ERN1: variants seen among roughly 807,000 people sequenced by gnomAD.
ERN1 encodes the protein serine/threonine-protein kinase/endoribonuclease IRE1.
Under a neutral mutation model 113.1 loss-of-function variants are expected in ERN1, and 39 were observed. The observed-to-expected ratio is 0.34, with a 90% CI of 0.27 to 0.45. The LOEUF is 0.45. Ranked by LOEUF, ERN1 falls within the 20% of genes least tolerant of loss-of-function variation. The probability of loss-of-function intolerance (pLI) is 1.00; values close to 1 mark genes in which losing one functional copy is unlikely to be tolerated. For missense variants in ERN1, 976 were observed against 1,274.8 expected (o/e 0.77, Z 3.57); for synonymous variants, 507 against 515.9 (o/e 0.98, Z 0.23).
At chr17:64,108,327 G>A (rs1473642723) in intron 1 of ERN1, among the ~76,000 whole-genome samples, 1 of 152,146 alleles carries the variant, frequency 6.6e-6, no homozygotes, top group African/African-American at 2.4e-5. Flanking sequence ...GAGTGTCTGA[G>A]TTCAACCATT....
In ERN1 at chr17:64,063,299, A is replaced by G. The variant is rs1406030494; in HGVS notation, c.1087+687T>C. Among the ~76,000 whole-genome samples, 1 of 152,274 alleles carries G rather than the reference A, an allele frequency of 6.6e-6. No individual in the cohort carries two copies. Among genetic ancestry groups the G allele is most frequent in the Non-Finnish European group, 1.5e-5 (1 of 68,048 alleles). ...GCTCTAATGACTTGGCACACTTGCC[A>G]GGAACACAGCTCTTCTCACTTCCGC... On this transcript the variant is annotated intron_variant, in intron 10 of 21. Coordinates refer to ENST00000433197, the MANE Select transcript of ERN1 (RefSeq NM_001433.5). This position sits in a 1 kb window ranked among gnomAD's most constrained non-coding sequence, Gnocchi z 5.1.
chr17:64,116,879 C>G (rs1005730038), intron 1 of ERN1, among the ~76,000 whole-genome samples: 1 of 139,746 alleles, frequency 7.2e-6, no homozygotes, highest in Non-Finnish European at 1.5e-5. Flanking sequence ...CCGAGGTGGG[C>G]GGATCACAAG....
At chr17:64,113,621 C>T (rs562893481) in intron 1 of ERN1, among the ~76,000 whole-genome samples, 16 of 151,360 alleles carry the variant, frequency 1.1e-4, no homozygotes, top group African/African-American at 3.2e-4. Context: ...GCAATTTTCC[C>T]GCCTCAGCCT....
intron 8 of ERN1, 71 bp from the exon 9 acceptor site, chr17:64,065,358 C>A: frequency 8.8e-7 from 1 of 1,141,026 alleles, no homozygotes; most frequent in Non-Finnish European, 1.3e-6. Flanking sequence ...GAGTAATCAT[C>A]ACCCCAAATA....
chr17:64,044,824 A>G lies in ERN1; in HGVS notation c.2721+36T>C, dbSNP rs1489354793. 3 of 1,386,380 alleles carry G rather than the reference A, an allele frequency of 2.2e-6. No homozygotes were observed. Among genetic ancestry groups the G allele is most frequent in the African/African-American group, 2.9e-5 (2 of 70,046 alleles). The allele number at this position is 1,386,380 out of a possible 1,614,324, so 85.9% of individuals were successfully genotyped here. ...GGAGGAAGGTGTCCATGTCATGGCC[A>G]CTGGGTCTCCTCCCCAGCATTTACA... On this transcript the variant is annotated intron_variant, in intron 21 of 21. Coordinates refer to ENST00000433197, the MANE Select transcript of ERN1 (RefSeq NM_001433.5). The surrounding 1 kb of genome is among the most constrained non-coding windows in gnomAD (Gnocchi z 4.1).
At chr17:64,069,780 T>G (rs1913352228) in intron 6 of ERN1, among the ~76,000 whole-genome samples, 1 of 152,086 alleles carries the variant, frequency 6.6e-6, no homozygotes, top group African/African-American at 2.4e-5. Context: ...GATCAAGAGG[T>G]GCCACACTTG....
chr17:64,043,970 C>G lies in ERN1; in HGVS notation c.*18G>C, dbSNP rs375484861. ...TCAGTCACAGCTGGGGCCACCAGAA[C>G]AGAGGGGCCGCCCTCGCTCAGAGGG... On this transcript the variant is annotated 3_prime_UTR_variant, in exon 22 of 22. Coordinates refer to ENST00000433197, the MANE Select transcript of ERN1 (RefSeq NM_001433.5). 24 of 1,567,692 alleles carry G rather than the reference C, an allele frequency of 1.5e-5. No homozygotes were observed. The Admixed American group carries it at 3.9e-4, about 26-fold the overall frequency.
Position 64,057,904 on chromosome 17 carries a change from C to T in ERN1, c.1296G>A (p.Arg432=). The T allele has an allele frequency of 6.2e-7, 1 of 1,612,962 alleles. No individual in the cohort carries two copies. The highest frequency in any genetic ancestry group is 8.5e-7 in the Non-Finnish European group (1 of 1,179,450). ...GCATGGAGTCCACGGGGGCCTCGGG[C>T]CGGGCAGGGGCATGGGCGGGCTTCT... is the stretch of plus-strand genomic sequence containing the variant. ...VEEKPAHAPA[R]PEAPVDSMLK... The change falls in exon 12 of 22, where the codon CGG becomes CGA. Residue 432 remains arginine, a synonymous_variant. Coordinates refer to ENST00000433197, the MANE Select transcript of ERN1 (RefSeq NM_001433.5).
chr17:64,070,230 C>T (rs1249766930), intron 6 of ERN1, among the ~76,000 whole-genome samples: 1 of 152,146 alleles, frequency 6.6e-6, no homozygotes, highest in Non-Finnish European at 1.5e-5. Flanking sequence ...TGAGTGAGGC[C>T]AACCAAGCAT....
chr17:64,106,177 G>A (rs190641061), intron 1 of ERN1, among the ~76,000 whole-genome samples: 6 of 152,266 alleles, frequency 3.9e-5, no homozygotes, highest in Non-Finnish European at 5.9e-5. Context: ...ATAAATTGGC[G>A]TTAAGGGTTC....
chr17:64,088,837 C>T (rs944753499), intron 2 of ERN1, among the ~76,000 whole-genome samples: 3 of 152,140 alleles, frequency 2.0e-5, no homozygotes, highest in African/African-American at 7.2e-5. Context: ...GACAAGACAA[C>T]ATGAGTGAAA....
chr17:64,084,292 C>T (rs777917858), intron 2 of ERN1, among the ~76,000 whole-genome samples: 1 of 152,200 alleles, frequency 6.6e-6, no homozygotes, highest in Non-Finnish European at 1.5e-5. Flanking sequence ...CTAACACATG[C>T]TATCAGTTGC....
chr17:64,047,149 C>T (rs770811307), intron 19 of ERN1, among the ~76,000 whole-genome samples: 19 of 152,014 alleles, frequency 1.2e-4, no homozygotes, highest in African/African-American at 4.6e-4. Flanking sequence ...ACCTGAGGTC[C>T]GGAGTTCAAG....
At chr17:64,099,605 C>T (rs1470077183) in intron 1 of ERN1, among the ~76,000 whole-genome samples, 1 of 151,840 alleles carries the variant, frequency 6.6e-6, no homozygotes, top group Admixed American at 6.6e-5. Context: ...TTTTGAAATA[C>T]AGAAGTATGG....
intron 3 of ERN1, among the ~76,000 whole-genome samples, chr17:64,079,938 C>T (rs1467185430): frequency 2.0e-5 from 3 of 152,198 alleles, no homozygotes; most frequent in African/African-American, 4.8e-5. Flanking sequence ...TGGTGGTATA[C>T]ACTATCCTTG....
At chr17:64,120,027 G>A (rs1319944092) in intron 1 of ERN1, among the ~76,000 whole-genome samples, 1 of 152,114 alleles carries the variant, frequency 6.6e-6, no homozygotes, top group Non-Finnish European at 1.5e-5. Flanking sequence ...AAAGTGCTGG[G>A]ATTACAGGTG....
chr17:64,099,363 C>T (rs9908606), intron 1 of ERN1, among the ~76,000 whole-genome samples: 3,596 of 151,566 alleles, frequency 0.024, 157 homozygotes, highest in African/African-American at 0.082. Flanking sequence ...GGTGTGTGCG[C>T]ACATGTACAC....
chr17:64,045,657 C>T (rs1042568069), intron 19 of ERN1, among the ~76,000 whole-genome samples, 175 bp from the exon 20 acceptor site: 2 of 152,250 alleles, frequency 1.3e-5, no homozygotes, highest in East Asian at 3.9e-4. Context: ...CTGCTCTGTT[C>T]CTCACGAAGC....
At chr17:64,064,557 C>A (rs985916009) in intron 9 of ERN1, among the ~76,000 whole-genome samples, 7 of 152,200 alleles carry the variant, frequency 4.6e-5, no homozygotes, top group Non-Finnish European at 4.4e-5. Context: ...ATGACAGAGG[C>A]AGGCGCTGTC....
Sources: gnomAD v4.1 joint callset for allele counts (sites outside exome capture counted in the v4.1 genomes callset) on GRCh38, gnomAD v4.1.1 for gene constraint, Gnocchi (gnomAD v3.1) non-coding constraint, MANE v1.5 for transcripts, NCBI Gene and HGNC (gene_info 2026-07-23, HGNC 2026-07-21) for gene names.